AFF3: variants seen among roughly 807,000 people sequenced by gnomAD.
AFF3 encodes the protein AF4/FMR2 family member 3.
A neutral mutation model predicts 129.7 loss-of-function variants in AFF3; 32 were observed. The observed-to-expected ratio is 0.25, with a 90% confidence interval of 0.19 to 0.33. The LOEUF (loss-of-function observed/expected upper bound fraction) is 0.33. AFF3 is among the 10% of genes least tolerant of loss of function. The pLI, the probability that AFF3 is intolerant of heterozygous loss-of-function variation, is 1.00. For missense variants in AFF3, 1,373 were observed against 1,592.0 expected (o/e 0.86, Z 2.34); for synonymous variants, 644 against 635.4 (o/e 1.01, Z -0.20).
intron 8 of AFF3, 126 bp downstream of exon 8, chr2:99,837,351 T>C: frequency 1.1e-6 from 1 of 883,108 alleles, no homozygotes; most frequent in Non-Finnish European, 1.7e-6. Context: ...CTTATGTGAC[T>C]ACTCTCAGAA....
intron 7 of AFF3, among the ~76,000 whole-genome samples, chr2:99,870,928 T>C (rs1007278768): frequency 6.6e-6 from 1 of 152,204 alleles, no homozygotes; most frequent in Non-Finnish European, 1.5e-5. Context: ...TCCTATAAAA[T>C]AGGCAATATA....
At chr2:99,977,795 G>A (rs889851382) in intron 7 of AFF3, among the ~76,000 whole-genome samples, 1 of 146,766 alleles carries the variant, frequency 6.8e-6, no homozygotes, top group Admixed American at 6.7e-5. Context: ...TGGCCTTACA[G>A]GCTTAGAAGT....
chr2:100,087,013 A>T (rs2105386610), intron 4 of AFF3, among the ~76,000 whole-genome samples: 1 of 152,308 alleles, frequency 6.6e-6, no homozygotes, highest in Non-Finnish European at 1.5e-5. Context: ...CTTACACTTC[A>T]TCAGTGACCC....
chr2:100,002,829 C>T (rs962974748), intron 7 of AFF3, among the ~76,000 whole-genome samples: 1 of 152,140 alleles, frequency 6.6e-6, no homozygotes, highest in South Asian at 2.1e-4. Context: ...CTTGTCAAAC[C>T]ACCAACTGCA....
chr2:99,732,144 G>A (rs535734238), intron 10 of AFF3, among the ~76,000 whole-genome samples: 13 of 152,158 alleles, frequency 8.5e-5, no homozygotes, highest in Admixed American at 7.8e-4. Context: ...CACGAGGTCA[G>A]GAGATTGAGA....
intron 11 of AFF3, among the ~76,000 whole-genome samples, chr2:99,725,202 T>A (rs1217507433): frequency 2.0e-5 from 3 of 152,166 alleles, no homozygotes; most frequent in African/African-American, 7.2e-5. Context: ...TTCGAACTCC[T>A]GACCTCGTGA....
At chr2:99,621,255 TA>T (rs1681975754) in intron 13 of AFF3, among the ~76,000 whole-genome samples, 2 of 152,352 alleles carry the variant, frequency 1.3e-5, no homozygotes, top group East Asian at 3.9e-4. Flanking sequence ...CAGTTGACTA[TA>T]ACAAGCTGCC....
chr2:100,114,753 G>A (rs1423803967), intron 2 of AFF3, among the ~76,000 whole-genome samples: 1 of 152,184 alleles, frequency 6.6e-6, no homozygotes, highest in African/African-American at 2.4e-5. Flanking sequence ...CCTGGAGCCT[G>A]GAGTCACAAG....
intron 7 of AFF3, among the ~76,000 whole-genome samples, chr2:99,927,499 T>C (rs928304120): frequency 1.3e-5 from 2 of 152,034 alleles, no homozygotes; most frequent in Admixed American, 6.5e-5. Context: ...CTACCACATG[T>C]TCTAACTTAT....
chr2:99,742,442 C>T (rs1322047609), intron 10 of AFF3, among the ~76,000 whole-genome samples: 1 of 152,104 alleles, frequency 6.6e-6, no homozygotes, highest in Non-Finnish European at 1.5e-5. Flanking sequence ...GGTTTTATAC[C>T]ACACAGGGAT....
chr2:100,049,073 C>T (rs1030468710), intron 4 of AFF3, among the ~76,000 whole-genome samples: 1 of 152,148 alleles, frequency 6.6e-6, no homozygotes, highest in Non-Finnish European at 1.5e-5. Context: ...AGGCAAAGAT[C>T]ATTCTGCGAA....
intron 4 of AFF3, among the ~76,000 whole-genome samples, chr2:100,033,511 G>T (rs1367557567): frequency 2.0e-5 from 3 of 152,126 alleles, no homozygotes; most frequent in Non-Finnish European, 2.9e-5. Context: ...AAATTCTGGA[G>T]ATAAATTTAA....
At chr2:100,092,479 G>A (rs536861056) in intron 4 of AFF3, among the ~76,000 whole-genome samples, 9 of 152,178 alleles carry the variant, frequency 5.9e-5, no homozygotes, top group African/African-American at 1.4e-4. Context: ...AAATGCAAAC[G>A]TGACCATTTT....
At chr2:100,019,017 C>T (rs1048841096) in intron 4 of AFF3, among the ~76,000 whole-genome samples, 3 of 152,146 alleles carry the variant, frequency 2.0e-5, no homozygotes, top group African/African-American at 4.8e-5. Context: ...TTATAACATG[C>T]TTATGTTTTA....
chr2:99,652,027 G>A (rs1459969061), intron 12 of AFF3, among the ~76,000 whole-genome samples: 2 of 152,192 alleles, frequency 1.3e-5, no homozygotes, highest in Non-Finnish European at 2.9e-5. Flanking sequence ...AGGCAGGGCA[G>A]TGTCAGGAAG....
chr2:100,082,617 T>C (rs1689120150), intron 4 of AFF3, among the ~76,000 whole-genome samples: 1 of 152,148 alleles, frequency 6.6e-6, no homozygotes, highest in African/African-American at 2.4e-5. Context: ...TGTGATAAAT[T>C]TGAATATTGC....
At chr2:100,004,507 G>C (rs1681765156) in intron 7 of AFF3, among the ~76,000 whole-genome samples, 1 of 151,982 alleles carries the variant, frequency 6.6e-6, no homozygotes, top group Non-Finnish European at 1.5e-5. Flanking sequence ...GGCTGGTCTT[G>C]AACTCTGGCC....
rs147708958 is a variant in AFF3 at position 99,846,273 on chromosome 2, G to A, written c.874-8749C>T. On this transcript the variant is annotated intron_variant, in intron 7 of 24. Transcript: ENST00000672756. ...GCCTCCCGAGTAGCTGGGATTATAG[G>A]CACCCACCACCATGCCTGGTTAGTT... Among the ~76,000 whole-genome samples the A allele has an allele frequency of 5.5e-3, 830 of 152,186 alleles. 5 individuals are homozygous for A. The highest frequency in any genetic ancestry group is 9.8e-3 in the Non-Finnish European group (669 of 68,010).
intron 4 of AFF3, among the ~76,000 whole-genome samples, chr2:100,010,343 T>C (rs1044853953): frequency 7.9e-5 from 12 of 152,184 alleles, no homozygotes; most frequent in African/African-American, 2.9e-4. Context: ...ACACAAATTA[T>C]TGTAAAATAA....
Sources: gnomAD v4.1 joint callset for allele counts (sites outside exome capture counted in the v4.1 genomes callset) on GRCh38, gnomAD v4.1.1 for gene constraint, MANE v1.5 for transcripts, NCBI Gene and HGNC (gene_info 2026-07-23, HGNC 2026-07-21) for gene names.